Variants in EPHA6 observed in about 807,000 individuals in gnomAD.
EPHA6 encodes the protein EPH receptor A6.
Under a neutral mutation model 112.0 loss-of-function variants are expected in EPHA6, and 50 were observed. That is an observed-to-expected ratio of 0.45 (90% CI 0.36 to 0.56). The LOEUF (loss-of-function observed/expected upper bound fraction) is 0.56. EPHA6 is among the 20% of genes least tolerant of loss of function. The pLI, the probability that EPHA6 is intolerant of heterozygous loss-of-function variation, is 0.00. For synonymous variants in EPHA6, 529 were observed against 490.7 expected (o/e 1.08, Z -1.03); for missense variants, 1,280 against 1,417.4 (o/e 0.90, Z 1.56).
intron 7 of EPHA6, among the ~76,000 whole-genome samples, chr3:97,467,610 A>G (rs2091097627): frequency 6.6e-6 from 1 of 151,832 alleles, no homozygotes; most frequent in South Asian, 2.1e-4. Context: ...TGGATCTTAA[A>G]AGACTTTTTA....
chr3:96,815,466 C>A (rs1289135788), intron 1 of EPHA6, among the ~76,000 whole-genome samples: 1 of 131,890 alleles, frequency 7.6e-6, no homozygotes, highest in Non-Finnish European at 1.5e-5. Context: ...CCCACCCCTC[C>A]GGTGACTGCC....
At chr3:97,595,694 G>T (rs1042392592) in intron 12 of EPHA6, among the ~76,000 whole-genome samples, 2 of 151,440 alleles carry the variant, frequency 1.3e-5, no homozygotes, top group African/African-American at 4.9e-5. Flanking sequence ...GAGGAGAGGA[G>T]AGGAGAGGAA....
chr3:97,461,956 A>G (rs1028248389), intron 7 of EPHA6, among the ~76,000 whole-genome samples: 1 of 152,116 alleles, frequency 6.6e-6, no homozygotes, highest in African/African-American at 2.4e-5. Flanking sequence ...TACTCTCTCT[A>G]CTGTTTCTAT....
intron 3 of EPHA6, among the ~76,000 whole-genome samples, chr3:97,182,993 T>A (rs1207082721): frequency 1.3e-5 from 2 of 152,132 alleles, no homozygotes; most frequent in African/African-American, 4.8e-5. Context: ...ACAGAGATTT[T>A]AAATCTACTT....
chr3:96,908,557 A>G (rs938498555), intron 2 of EPHA6, among the ~76,000 whole-genome samples: 1 of 151,738 alleles, frequency 6.6e-6, no homozygotes, highest in African/African-American at 2.4e-5. Context: ...ATATGTTTTC[A>G]TATGTTCCCG....
chr3:97,147,960 A>G (rs190937627), intron 3 of EPHA6, among the ~76,000 whole-genome samples: 3 of 152,270 alleles, frequency 2.0e-5, no homozygotes, highest in Admixed American at 6.6e-5. Context: ...ATAATGTACA[A>G]TGTTAACAAT....
intron 14 of EPHA6, chr3:97,646,038 A>G (rs1335520355): frequency 6.5e-6 from 7 of 1,081,124 alleles, no homozygotes; most frequent in Non-Finnish European, 7.7e-6. Flanking sequence ...TTAGAACAGT[A>G]TGCTACATGG....
At chr3:97,616,053 G>A (rs560775385) in intron 13 of EPHA6, among the ~76,000 whole-genome samples, 15 of 152,092 alleles carry the variant, frequency 9.9e-5, no homozygotes, top group Admixed American at 2.0e-4. Flanking sequence ...GTCTCCAGCC[G>A]CCTTCTACAA....
chr3:97,216,589 A>C (rs2108524351), intron 3 of EPHA6, among the ~76,000 whole-genome samples: 1 of 152,344 alleles, frequency 6.6e-6, no homozygotes, highest in Admixed American at 6.5e-5. Context: ...TTGGGCATAT[A>C]GCAAGCAGTG....
intron 3 of EPHA6, among the ~76,000 whole-genome samples, chr3:97,151,410 G>T (rs1372069448): frequency 6.6e-6 from 1 of 152,072 alleles, no homozygotes; most frequent in Non-Finnish European, 1.5e-5. Flanking sequence ...GTTTTACAGT[G>T]CCTTATACAT....
intron 3 of EPHA6, among the ~76,000 whole-genome samples, chr3:97,164,543 G>A (rs1254279196): frequency 6.6e-6 from 1 of 151,878 alleles, no homozygotes; most frequent in Middle Eastern, 3.2e-3. Context: ...AATAAGTAGA[G>A]GCTTGGTTTA....
In EPHA6 at chr3:97,385,971, A is replaced by C. The variant is rs114476577; in HGVS notation, c.1607-19179A>C. On this transcript the variant is annotated intron_variant, in intron 5 of 17. Coordinates refer to ENST00000389672, the MANE Select transcript of EPHA6 (RefSeq NM_001080448.3). ...CCAACATTTAAGATTACAATTTGAC[A>C]TGAGATTTGGGTGGAGACAGAGAGG... 8.4e-3 allele frequency among the ~76,000 whole-genome samples: 1,286 copies of C among 152,260 alleles called. 20 individuals are homozygous for C. The highest frequency in any genetic ancestry group is 0.029 in the African/African-American group (1,199 of 41,546).
At chr3:97,301,733 T>A (rs1004104717) in intron 5 of EPHA6, among the ~76,000 whole-genome samples, 11 of 152,152 alleles carry the variant, frequency 7.2e-5, no homozygotes, top group African/African-American at 2.4e-4. Flanking sequence ...ATTAAAGCTT[T>A]TATATGAATA....
chr3:96,919,044 A>G (rs1289294271), intron 2 of EPHA6, among the ~76,000 whole-genome samples: 4 of 151,972 alleles, frequency 2.6e-5, no homozygotes, highest in Admixed American at 6.6e-5. Flanking sequence ...TTTCTTTAAG[A>G]CAAATTTTGT....
chr3:97,025,820 C>A (rs995737652), intron 3 of EPHA6, among the ~76,000 whole-genome samples: 3 of 152,016 alleles, frequency 2.0e-5, no homozygotes, highest in Non-Finnish European at 4.4e-5. Flanking sequence ...ATCTCCCTGA[C>A]GTCATGATCT....
At chr3:97,014,563 A>G (rs940526956) in intron 3 of EPHA6, among the ~76,000 whole-genome samples, 1 of 152,134 alleles carries the variant, frequency 6.6e-6, no homozygotes. Flanking sequence ...TTCTTTCTGT[A>G]TATGTATACG....
intron 3 of EPHA6, among the ~76,000 whole-genome samples, chr3:97,066,824 T>A (rs546726701): frequency 1.3e-5 from 2 of 152,182 alleles, no homozygotes; most frequent in Non-Finnish European, 2.9e-5. Flanking sequence ...GAGCACTAAA[T>A]GTTCCTTGAG....
At chr3:97,747,141 T>C (rs1175145564) in intron 16 of EPHA6, among the ~76,000 whole-genome samples, 3 of 151,718 alleles carry the variant, frequency 2.0e-5, no homozygotes, top group Non-Finnish European at 4.4e-5. Context: ...TCTCTCAACA[T>C]CCATCATAAA....
chr3:97,024,731 T>C (rs570262205), intron 3 of EPHA6, among the ~76,000 whole-genome samples: 8 of 152,304 alleles, frequency 5.3e-5, no homozygotes, highest in Middle Eastern at 6.8e-3. Context: ...CACAGTTTCT[T>C]CCTGCAAAGA....
Sources: allele counts gnomAD v4.1 joint callset (sites outside exome capture counted in the v4.1 genomes callset), GRCh38; gene constraint gnomAD v4.1.1; transcripts MANE v1.5; gene names NCBI Gene and HGNC (gene_info 2026-07-23, HGNC 2026-07-21).